The following F2R variants were observed in gnomAD, a reference collection of about 807,000 sequenced individuals.
The protein encoded by F2R is proteinase-activated receptor 1.
Under a neutral mutation model 18.3 loss-of-function variants are expected in F2R, and 12 were observed. The ratio of observed to expected loss-of-function variants is 0.66; its 90% CI spans 0.42 to 1.06. The LOEUF (loss-of-function observed/expected upper bound fraction) is 1.06. Ranked by LOEUF, F2R falls within the 50% of genes least tolerant of loss-of-function variation. The pLI, the probability that F2R is intolerant of heterozygous loss-of-function variation, is 0.00. For missense variants in F2R, 438 were observed against 530.8 expected (o/e 0.83, Z 1.72); for synonymous variants, 210 against 219.9 (o/e 0.95, Z 0.40).
In F2R at chr5:76,732,813, A is replaced by G; in HGVS notation, c.588A>G (p.Ile196Met). 6.2e-7 allele frequency: 1 copy of G among 1,614,150 alleles called. No homozygotes were observed. The highest frequency in any genetic ancestry group is 8.5e-7 in the Non-Finnish European group (1 of 1,180,028). The change falls in exon 2 of 2, where the codon ATA (isoleucine) becomes ATG (methionine). Residue 196 changes from isoleucine (I) to methionine (M), a missense_variant. Coordinates refer to ENST00000319211, the MANE Select transcript of F2R (RefSeq NM_001992.5). Reference sequence around the variant, plus strand: ...CCTCTATCTTGCTCATGACAGTCATAAGCATTGACCGGTTTCTGGCTGTGG... The same window carrying G: ...CCTCTATCTTGCTCATGACAGTCATGAGCATTGACCGGTTTCTGGCTGTGG... Reference protein sequence around the residue: ...MYASILLMTVISIDRFLAVVY... With the variant: ...MYASILLMTVMSIDRFLAVVY...
chr5:76,722,910 C>G (rs1032791828), intron 1 of F2R, among the ~76,000 whole-genome samples: 3 of 150,130 alleles, frequency 2.0e-5, no homozygotes, highest in South Asian at 4.2e-4. Flanking sequence ...AAGATCGTGC[C>G]ACTGCACTCC....
chr5:76,718,404 A>G (rs937695893), intron 1 of F2R, among the ~76,000 whole-genome samples: 1 of 152,254 alleles, frequency 6.6e-6, no homozygotes, highest in African/African-American at 2.4e-5. Flanking sequence ...ACTCTGAGGC[A>G]TCCAACAGTG....
chr5:76,726,456 G>A (rs1056755667), intron 1 of F2R, among the ~76,000 whole-genome samples: 5 of 152,068 alleles, frequency 3.3e-5, no homozygotes, highest in Admixed American at 6.6e-5. Flanking sequence ...GCGTGAACCC[G>A]GGAGGTGGAG....
At chr5:76,725,847 A>C (rs1748543948) in intron 1 of F2R, among the ~76,000 whole-genome samples, 1 of 152,214 alleles carries the variant, frequency 6.6e-6, no homozygotes, top group Non-Finnish European at 1.5e-5. Context: ...TGTTTTTTAA[A>C]ACAAGTACTT....
At chr5:76,729,811 G>A (rs551350488) in intron 1 of F2R, among the ~76,000 whole-genome samples, 1 of 152,314 alleles carries the variant, frequency 6.6e-6, no homozygotes, top group South Asian at 2.1e-4. Flanking sequence ...ATTCCCATGT[G>A]TTGTAGGAGG....
rs1452756759 is a variant in F2R, at chr5:76,734,496, C to T, written c.*993C>T. 6.6e-6 allele frequency: 1 copy of T among 152,382 alleles called. No homozygotes were observed. Among genetic ancestry groups the T allele is most frequent in the Admixed American group, 6.5e-5 (1 of 15,280 alleles). 9.4% of individuals were successfully genotyped at this position (152,382 alleles called of 1,614,324 possible). Reference sequence around the variant, plus strand: ...CCTAGGAGGTAATGACCATGAAAGACTTCTCTACCCATCTTAAAAACAACG... The same window carrying T: ...CCTAGGAGGTAATGACCATGAAAGATTTCTCTACCCATCTTAAAAACAACG... On this transcript the variant is annotated 3_prime_UTR_variant, in exon 2 of 2. Coordinates refer to ENST00000319211, the MANE Select transcript of F2R (RefSeq NM_001992.5).
Position 76,732,683 on chromosome 5 carries a change from C to T in F2R, c.458C>T (p.Ser153Phe). ...HLATADVLFV[S>F]VLPFKISYYF... Reference sequence around the variant, plus strand: ...GCCACGGCAGATGTGCTGTTTGTGTCTGTGCTCCCCTTTAAGATCAGCTAT... The same window carrying T: ...GCCACGGCAGATGTGCTGTTTGTGTTTGTGCTCCCCTTTAAGATCAGCTAT... Residue 153 changes from serine to phenylalanine, a missense_variant, in exon 2 of 2, where the codon TCT becomes TTT. Coordinates refer to ENST00000319211, the MANE Select transcript of F2R (RefSeq NM_001992.5). 6.2e-7 allele frequency: 1 copy of T among 1,614,208 alleles called. No individual in the cohort carries two copies. Among genetic ancestry groups the T allele is most frequent in the Non-Finnish European group, 8.5e-7 (1 of 1,180,036 alleles).
intron 1 of F2R, among the ~76,000 whole-genome samples, chr5:76,719,116 T>C (rs1047810622): frequency 6.6e-6 from 1 of 152,178 alleles, no homozygotes; most frequent in Non-Finnish European, 1.5e-5. Flanking sequence ...ACCCGCCACG[T>C]TCATGTTTAA....
At position 76,733,672 on chromosome 5, in the gene F2R, C is replaced by A; in HGVS notation, c.*169C>A. ...GTCAAGCATGTATTTTTGTCAATTA[C>A]CAGAAAGATAACAGGACGAGATGAC... On this transcript the variant is annotated 3_prime_UTR_variant, in exon 2 of 2. Coordinates refer to ENST00000319211, the MANE Select transcript of F2R (RefSeq NM_001992.5). The A allele has an allele frequency of 1.7e-6, 1 of 597,014 alleles. No homozygotes were observed. 37.0% of individuals were successfully genotyped at this position (597,014 alleles called of 1,614,324 possible).
At chr5:76,720,017 C>G (rs1748417620) in intron 1 of F2R, among the ~76,000 whole-genome samples, 1 of 152,166 alleles carries the variant, frequency 6.6e-6, no homozygotes, top group South Asian at 2.1e-4. Flanking sequence ...CGTAAGCAGA[C>G]CAGAAAGCTC....
chr5:76,724,487 A>G (rs953865832), intron 1 of F2R, among the ~76,000 whole-genome samples: 19 of 152,126 alleles, frequency 1.2e-4, no homozygotes, highest in African/African-American at 4.6e-4. Context: ...GTCCACCATT[A>G]CATTTTAATC....
At chr5:76,731,465 C>T (rs1397226008) in intron 1 of F2R, among the ~76,000 whole-genome samples, 1 of 150,054 alleles carries the variant, frequency 6.7e-6, no homozygotes, top group Non-Finnish European at 1.5e-5. Flanking sequence ...CAGAGTGAGA[C>T]TGTGTCTCAG....
At chr5:76,729,263 T>G (rs1392858694) in intron 1 of F2R, among the ~76,000 whole-genome samples, 1 of 152,236 alleles carries the variant, frequency 6.6e-6, no homozygotes, top group Admixed American at 6.5e-5. Flanking sequence ...TTAGTGATGT[T>G]GAGCATTTTT....
At position 76,716,379 on chromosome 5, in the gene F2R, C is replaced by T; in HGVS notation, c.72C>T (p.Thr24=). 6.9e-7 allele frequency: 1 copy of T among 1,453,784 alleles called. No individual in the cohort carries two copies. The highest frequency in any genetic ancestry group is 9.0e-7 in the Non-Finnish European group (1 of 1,107,114). The allele number at this position is 1,453,784 out of a possible 1,614,324, so 90.1% of individuals were successfully genotyped here. ...GCGGCCCGCTGTTGTCTGCCCGCAC[C>T]CGGGCCCGCAGGCCAGGTGAGAGAT... ...SLCGPLLSAR[T]RARRPESKAT... is the part of the protein sequence containing the mutation. Residue 24 remains threonine (T), a synonymous_variant, in exon 1 of 2, where the codon ACC becomes ACT. Coordinates refer to ENST00000319211, the MANE Select transcript of F2R (RefSeq NM_001992.5).
At chr5:76,718,432 G>A (rs1401624395) in intron 1 of F2R, among the ~76,000 whole-genome samples, 5 of 152,196 alleles carry the variant, frequency 3.3e-5, no homozygotes, top group East Asian at 1.9e-4. Context: ...TCCTTGAACC[G>A]CCACCGCTGT....
chr5:76,731,841 C>T (rs896494853), intron 1 of F2R, among the ~76,000 whole-genome samples: 5 of 152,166 alleles, frequency 3.3e-5, no homozygotes, highest in African/African-American at 1.2e-4. Flanking sequence ...ATCCCCTCAA[C>T]TTTCTATGTG....
At chr5:76,728,679 C>A (rs1275764421) in intron 1 of F2R, among the ~76,000 whole-genome samples, 1 of 140,112 alleles carries the variant, frequency 7.1e-6, no homozygotes, top group Non-Finnish European at 1.5e-5. Flanking sequence ...CTATTGACAT[C>A]CTGGTCTTTT....
Position 76,732,442 on chromosome 5 carries a change from T to A in F2R, c.217T>A (p.Ser73Thr). ...ESGLTEYRLVSINKSSPLQKQ... is the reference protein window; with the variant it reads ...ESGLTEYRLVTINKSSPLQKQ... The stretch of plus-strand genomic sequence containing the variant: ...TGGGTTAACTGAATACAGATTAGTC[T>A]CCATCAATAAAAGCAGTCCTCTTCA... The change falls in exon 2 of 2, where the codon TCC (serine) becomes ACC (threonine). Residue 73 changes from serine (S) to threonine (T), a missense_variant. Coordinates refer to ENST00000319211, the MANE Select transcript of F2R (RefSeq NM_001992.5). 6.2e-7 allele frequency: 1 copy of A among 1,614,146 alleles called. No individual in the cohort carries two copies. Among genetic ancestry groups the A allele is most frequent in the South Asian group, 1.1e-5 (1 of 91,076 alleles).
intron 1 of F2R, among the ~76,000 whole-genome samples, chr5:76,727,788 T>G (rs1253605249): frequency 6.6e-6 from 1 of 151,608 alleles, no homozygotes; most frequent in Non-Finnish European, 1.5e-5. Flanking sequence ...TGCACATGGT[T>G]GTAATACATT....
Sources: gnomAD v4.1 joint callset for allele counts (sites outside exome capture counted in the v4.1 genomes callset) on GRCh38, gnomAD v4.1.1 for gene constraint, MANE v1.5 for transcripts, NCBI Gene and HGNC (gene_info 2026-07-23, HGNC 2026-07-21) for gene names.